CNTN5: variants seen among roughly 807,000 people sequenced by gnomAD.
CNTN5 encodes contactin 5, also known as contactin-5.
Under a neutral mutation model 129.1 loss-of-function variants are expected in CNTN5, and 77 were observed. That is an observed-to-expected ratio of 0.60 (90% CI 0.50 to 0.72). CNTN5 has a LOEUF of 0.72. Among genes scored for constraint, CNTN5 ranks in the 30% least tolerant of loss-of-function variants. The pLI, the probability that CNTN5 is intolerant of heterozygous loss-of-function variation, is 0.00. For synonymous variants in CNTN5, 509 were observed against 465.6 expected (o/e 1.09, Z -1.20); for missense variants, 1,478 against 1,328.8 (o/e 1.11, Z -1.75).
intron 1 of CNTN5, among the ~76,000 whole-genome samples, chr11:99,081,637 T>C (rs1470699896): frequency 1.3e-5 from 2 of 152,222 alleles, no homozygotes; most frequent in Non-Finnish European, 2.9e-5. Flanking sequence ...ACTGATATTC[T>C]TAGTCTCTTT....
intron 1 of CNTN5, among the ~76,000 whole-genome samples, chr11:99,296,142 G>A (rs2135933357): frequency 6.6e-6 from 1 of 152,278 alleles, no homozygotes; most frequent in South Asian, 2.1e-4. Flanking sequence ...CGTGAGAGTA[G>A]AAGCCTTGAT....
chr11:99,128,645 T>G (rs144557623), intron 1 of CNTN5, among the ~76,000 whole-genome samples: 2 of 152,114 alleles, frequency 1.3e-5, no homozygotes, highest in Non-Finnish European at 2.9e-5. Flanking sequence ...CTTAAGTGGG[T>G]CCCTCATCCT....
At chr11:100,157,943 T>C (rs1299148585) in intron 13 of CNTN5, among the ~76,000 whole-genome samples, 1 of 151,506 alleles carries the variant, frequency 6.6e-6, no homozygotes, top group Non-Finnish European at 1.5e-5. Flanking sequence ...AATACAAAAG[T>C]AAACATAAAA....
At chr11:99,614,650 C>A (rs1031278906) in intron 3 of CNTN5, among the ~76,000 whole-genome samples, 3 of 152,134 alleles carry the variant, frequency 2.0e-5, no homozygotes, top group Non-Finnish European at 4.4e-5. Flanking sequence ...GATGTTTCTG[C>A]GACAATCTGT....
intron 3 of CNTN5, among the ~76,000 whole-genome samples, chr11:99,737,214 G>T (rs938483678): frequency 2.6e-5 from 4 of 151,826 alleles, no homozygotes; most frequent in African/African-American, 9.7e-5. Context: ...AACTCAAGTT[G>T]TGCTCTTACC....
At chr11:99,994,534 C>A (rs4636629) in intron 8 of CNTN5, among the ~76,000 whole-genome samples, 55,691 of 151,922 alleles carry the variant, frequency 0.37, 11,795 homozygotes, top group African/African-American at 0.58. Flanking sequence ...CTCCAACACC[C>A]TATGACACTG....
chr11:99,265,377 G>T (rs537814119), intron 1 of CNTN5, among the ~76,000 whole-genome samples: 1 of 152,108 alleles, frequency 6.6e-6, no homozygotes, highest in South Asian at 2.1e-4. Flanking sequence ...TGGCAAAAGG[G>T]TGATAATATT....
At position 100,308,356 on chromosome 11, in the gene CNTN5, C is replaced by T; in HGVS notation, c.2621-3C>T. The stretch of plus-strand genomic sequence containing the variant: ...TAATTGTGGTTTATTTTCCTTCATA[C>T]AGAACCCAGTGCTGCTCCCACAGAT... On this transcript the variant is annotated splice_region_variant and splice_polypyrimidine_tract_variant and intron_variant, in intron 20 of 24. Transcript: ENST00000524871. The T allele has an allele frequency of 6.2e-7, 1 of 1,608,346 alleles. No individual in the cohort carries two copies. Among genetic ancestry groups the T allele is most frequent in the Non-Finnish European group, 8.5e-7 (1 of 1,176,916 alleles).
intron 2 of CNTN5, among the ~76,000 whole-genome samples, chr11:99,510,318 ACTCT>A (rs891074847): frequency 1.3e-5 from 2 of 152,010 alleles, no homozygotes; most frequent in Admixed American, 6.6e-5. Context: ...AAAAAAAGAG[ACTCT>A]CAAACACTGT....
chr11:99,222,909 G>A (rs1471420049), intron 1 of CNTN5, among the ~76,000 whole-genome samples: 7 of 151,996 alleles, frequency 4.6e-5, no homozygotes, highest in African/African-American at 7.2e-5. Flanking sequence ...ATGTATAACC[G>A]TGAACACACA....
intron 13 of CNTN5, among the ~76,000 whole-genome samples, chr11:100,169,020 G>A (rs1189036516): frequency 6.6e-6 from 1 of 151,926 alleles, no homozygotes; most frequent in Non-Finnish European, 1.5e-5. Context: ...TGGAATTGGA[G>A]ACTGATGGTG....
intron 13 of CNTN5, among the ~76,000 whole-genome samples, chr11:100,137,463 T>C (rs12364141): frequency 0.23 from 34,936 of 152,100 alleles, 4,808 homozygotes; most frequent in Middle Eastern, 0.34. Flanking sequence ...AAGCAAGAAA[T>C]TACACAATAA....
intron 8 of CNTN5, among the ~76,000 whole-genome samples, chr11:99,997,908 A>G (rs941541765): frequency 6.6e-6 from 1 of 152,188 alleles, no homozygotes; most frequent in African/African-American, 2.4e-5. Flanking sequence ...CAAAAACCAC[A>G]TGATTATCTC....
chr11:100,136,956 C>T (rs1946546360), intron 13 of CNTN5, among the ~76,000 whole-genome samples: 1 of 151,734 alleles, frequency 6.6e-6, no homozygotes, highest in Non-Finnish European at 1.5e-5. Flanking sequence ...AAAATGAATT[C>T]AGATATTTTT....
chr11:99,871,624 G>A (rs1948505328), intron 6 of CNTN5, among the ~76,000 whole-genome samples: 1 of 151,764 alleles, frequency 6.6e-6, no homozygotes, highest in Non-Finnish European at 1.5e-5. Context: ...ACAACAAAAG[G>A]ACATAAAGTT....
chr11:100,238,363 C>T (rs1949662883), intron 16 of CNTN5, among the ~76,000 whole-genome samples: 1 of 134,754 alleles, frequency 7.4e-6, no homozygotes, highest in African/African-American at 2.9e-5. Flanking sequence ...ACTAAATAAT[C>T]AGGCAAGTCA....
rs1952331396 is a variant in CNTN5 at position 100,348,280 on chromosome 11, T to C, written c.3031-2422T>C. 1.3e-5 allele frequency among the ~76,000 whole-genome samples: 2 copies of C among 152,066 alleles called. 1 individual carries two copies. Among genetic ancestry groups the C allele is most frequent in the South Asian group, 4.1e-4 (2 of 4,836 alleles). On this transcript the variant is annotated intron_variant, in intron 23 of 24. Transcript: ENST00000524871. ...TCTTTTCTAAATCAGGATTTTAAAA[T>C]GAGCCAACATTCTCTAAAGCACTGA...
intron 4 of CNTN5, among the ~76,000 whole-genome samples, chr11:99,839,745 A>C (rs1947419269): frequency 6.6e-6 from 1 of 152,140 alleles, no homozygotes; most frequent in African/African-American, 2.4e-5. Context: ...AAATGATTAA[A>C]GAGTTGAAAC....
At position 99,711,007 on chromosome 11, in the gene CNTN5, C is replaced by T. The variant is rs145785943; in HGVS notation, c.56-108537C>T. Among the ~76,000 whole-genome samples the T allele has an allele frequency of 7.0e-3, 1,071 of 152,016 alleles. 13 individuals carry two copies. Among genetic ancestry groups the T allele is most frequent in the African/African-American group, 0.024 (1,009 of 41,510 alleles). On this transcript the variant is annotated intron_variant, in intron 3 of 24. Transcript: ENST00000524871. The stretch of plus-strand genomic sequence containing the variant: ...TAGTATTAATGTGTCCCACATATTG[C>T]ATACTGCATACTTATTCAAAGGAGT...
Sources: gnomAD v4.1 joint callset for allele counts (sites outside exome capture counted in the v4.1 genomes callset) on GRCh38, gnomAD v4.1.1 for gene constraint, MANE v1.5 for transcripts, NCBI Gene and HGNC (gene_info 2026-07-23, HGNC 2026-07-21) for gene names.